UNC13C: variants seen among roughly 807,000 people sequenced by gnomAD.
UNC13C encodes the protein unc-13 homolog C, also known as protein unc-13 homolog C.
In UNC13C, 174 loss-of-function variants were observed where a neutral mutation model predicts 245.4. That is an observed-to-expected ratio of 0.71 (90% CI 0.63 to 0.80). The LOEUF is 0.80. Ranked by LOEUF, UNC13C falls within the 30% of genes least tolerant of loss-of-function variation. UNC13C has a pLI of 0.00. For missense variants in UNC13C, 2,829 were observed against 2,602.9 expected (o/e 1.09, Z -1.89); for synonymous variants, 992 against 895.1 (o/e 1.11, Z -1.93).
chr15:54,541,715 A>C (rs1896253470), intron 26 of UNC13C, among the ~76,000 whole-genome samples: 2 of 152,096 alleles, frequency 1.3e-5, no homozygotes, highest in Admixed American at 6.6e-5. Flanking sequence ...AGAAATATAT[A>C]CAGAAGAAGT....
chr15:54,374,116 G>A (rs1017580764), intron 17 of UNC13C, among the ~76,000 whole-genome samples: 4 of 152,156 alleles, frequency 2.6e-5, no homozygotes, highest in East Asian at 3.9e-4. Flanking sequence ...CCCCAAGTCT[G>A]TCTGAGTCTG....
At chr15:53,854,646 T>G in the UNC13C span, among the ~76,000 whole-genome samples, 1 of 152,158 alleles carries the variant, frequency 6.6e-6, no homozygotes, top group African/African-American at 2.4e-5. Context: ...TCTGTTCCAT[T>G]GGTTTATGTG....
intron 2 of UNC13C, among the ~76,000 whole-genome samples, chr15:54,136,327 G>A (rs1237840898): frequency 6.6e-6 from 1 of 151,886 alleles, no homozygotes; most frequent in Non-Finnish European, 1.5e-5. Context: ...ATTGTTTGTA[G>A]AGACTGGTTT....
At chr15:54,444,322 A>G (rs1389407193) in intron 19 of UNC13C, among the ~76,000 whole-genome samples, 1 of 151,008 alleles carries the variant, frequency 6.6e-6, no homozygotes, top group Non-Finnish European at 1.5e-5. Context: ...ATACATATAT[A>G]TAATATGTCA....
intron 1 of UNC13C, among the ~76,000 whole-genome samples, chr15:53,999,450 G>T (rs28830192): frequency 0.01 from 1,574 of 151,904 alleles, 30 homozygotes; most frequent in African/African-American, 0.037. Flanking sequence ...TTTAATATCT[G>T]TATGATTTGT....
chr15:54,553,420 T>TGTA (rs1555394330), intron 28 of UNC13C, among the ~76,000 whole-genome samples: 4 of 129,852 alleles, frequency 3.1e-5, no homozygotes, highest in Non-Finnish European at 6.3e-5. Flanking sequence ...TAATATATAA[T>TGTA]ATTATATATA....
chr15:54,488,047 G>T (rs935757896), intron 19 of UNC13C, among the ~76,000 whole-genome samples: 9 of 152,014 alleles, frequency 5.9e-5, no homozygotes, highest in Non-Finnish European at 1.3e-4. Context: ...TCTTTATAAA[G>T]TTTCTCTAAA....
At chr15:54,050,177 G>A in intron 2 of UNC13C, 1 of 473,314 alleles carries the variant, frequency 2.1e-6, no homozygotes, top group South Asian at 1.6e-5. Context: ...TCACCATGTT[G>A]GCCAGGCTAG....
the UNC13C span, among the ~76,000 whole-genome samples, chr15:53,919,955 C>A: frequency 3.4e-4 from 51 of 151,804 alleles, no homozygotes; most frequent in African/African-American, 1.1e-3. Flanking sequence ...AGTTGCTTTT[C>A]CTATCCATGT....
chr15:53,973,853 A>C (rs1243678518), upstream of UNC13C, among the ~76,000 whole-genome samples: 1 of 152,186 alleles, frequency 6.6e-6, no homozygotes, highest in Non-Finnish European at 1.5e-5. Flanking sequence ...AATATTCTAA[A>C]AAAGTGTCTG....
intron 28 of UNC13C, 44 bp from the exon 29 acceptor site, chr15:54,555,388 C>T (rs768127796): frequency 1.2e-5 from 19 of 1,532,948 alleles, no homozygotes; most frequent in Non-Finnish European, 1.7e-5. Flanking sequence ...TTGTTGAATA[C>T]ATGAACTGGT....
chr15:53,962,552 G>T, the UNC13C span, among the ~76,000 whole-genome samples: 1 of 152,060 alleles, frequency 6.6e-6, no homozygotes, highest in Non-Finnish European at 1.5e-5. Context: ...CATATCAATA[G>T]AAAAAATATG....
chr15:54,061,544 A>T (rs1329632513), intron 2 of UNC13C, among the ~76,000 whole-genome samples: 1 of 152,164 alleles, frequency 6.6e-6, no homozygotes, highest in South Asian at 2.1e-4. Flanking sequence ...TACAGCCCCT[A>T]TGTCCAAATC....
At chr15:53,897,769 T>G in the UNC13C span, among the ~76,000 whole-genome samples, 1 of 152,194 alleles carries the variant, frequency 6.6e-6, no homozygotes, top group African/African-American at 2.4e-5. Flanking sequence ...AATCAGAAAG[T>G]GTATTAGCAT....
At chr15:54,207,525 T>C (rs1224347347) in intron 4 of UNC13C, among the ~76,000 whole-genome samples, 5 of 151,982 alleles carry the variant, frequency 3.3e-5, no homozygotes, top group Non-Finnish European at 7.4e-5. Context: ...AAAGTAGAAA[T>C]AAGCCTACTG....
intron 20 of UNC13C, among the ~76,000 whole-genome samples, chr15:54,498,061 T>C (rs2141094367): frequency 6.6e-6 from 1 of 152,134 alleles, no homozygotes; most frequent in East Asian, 1.9e-4. Context: ...CAACAAACAG[T>C]AAGAACAAAG....
chr15:54,172,269 A>T (rs2033428080), intron 4 of UNC13C, among the ~76,000 whole-genome samples: 2 of 152,066 alleles, frequency 1.3e-5, no homozygotes, highest in African/African-American at 2.4e-5. Context: ...ATTGTTTGTA[A>T]CACAAAGAAA....
intron 18 of UNC13C, among the ~76,000 whole-genome samples, chr15:54,407,390 G>A (rs2040316776): frequency 6.6e-6 from 1 of 152,134 alleles, no homozygotes; most frequent in African/African-American, 2.4e-5. Flanking sequence ...GACTCTGGTA[G>A]CTATCTAAAT....
At chr15:54,108,960 G>C (rs900535483) in intron 2 of UNC13C, among the ~76,000 whole-genome samples, 101 of 152,268 alleles carry the variant, frequency 6.6e-4, no homozygotes, top group African/African-American at 2.2e-3. Context: ...GCGGAATTCT[G>C]ATGTATGGAG....
Sources: allele counts gnomAD v4.1 joint callset (sites outside exome capture counted in the v4.1 genomes callset), GRCh38; gene constraint gnomAD v4.1.1; transcripts MANE v1.5; gene names NCBI Gene and HGNC (gene_info 2026-07-23, HGNC 2026-07-21).